Variants in TENM4 observed in about 807,000 individuals in gnomAD.
The protein encoded by TENM4 is teneurin transmembrane protein 4.
A neutral mutation model predicts 243.3 loss-of-function variants in TENM4; 82 were observed. The ratio of observed to expected loss-of-function variants is 0.34; its 90% CI spans 0.28 to 0.40. The LOEUF (loss-of-function observed/expected upper bound fraction) is 0.40. Ranked by LOEUF, TENM4 falls within the 10% of genes least tolerant of loss-of-function variation. TENM4 has a pLI of 1.00. For synonymous variants in TENM4, 1,412 were observed against 1,456.3 expected, an observed-to-expected ratio of 0.97 and a Z score of 0.69; for missense variants, 3,138 against 3,673.3, an observed-to-expected ratio of 0.85 and a Z score of 3.77.
rs1023902329 is a variant in TENM4 at position 79,089,139 on chromosome 11, A to G, written c.-65-19130T>C. 6.6e-5 allele frequency among the ~76,000 whole-genome samples: 10 copies of G among 152,340 alleles called. No homozygotes were observed. In the East Asian group the frequency reaches 1.9e-3, roughly 29 times the overall value. On this transcript the variant is annotated intron_variant, in intron 4 of 33. Transcript: ENST00000278550. ...AAACAATTACCTTGGGTCACTGTGC[A>G]GGCCTGTGCTCTCTGGGAAACCTGA...
At chr11:79,151,719 C>G (rs975890893) in intron 3 of TENM4, among the ~76,000 whole-genome samples, 1 of 152,108 alleles carries the variant, frequency 6.6e-6, no homozygotes, top group Non-Finnish European at 1.5e-5. Flanking sequence ...TTCTCCTCCC[C>G]CAACAGGCAC....
intron 12 of TENM4, among the ~76,000 whole-genome samples, chr11:78,817,277 G>C (rs1220713873): frequency 6.6e-6 from 1 of 152,216 alleles, no homozygotes; most frequent in African/African-American, 2.4e-5. Context: ...AGGTCTTAAA[G>C]TGTCAACTTA....
At position 79,366,549 on chromosome 11, in the gene TENM4, G is replaced by C. The variant is rs1472699977; in HGVS notation, c.-320-69006C>G. Reference sequence around the variant, plus strand: ...GGGGACTGGGTGCTCCTCTCACAGTGTGATCTCTCTGCTTCAGGAGCAATT... The same window carrying C: ...GGGGACTGGGTGCTCCTCTCACAGTCTGATCTCTCTGCTTCAGGAGCAATT... On this transcript the variant is annotated intron_variant, in intron 1 of 33. Transcript: ENST00000278550. Among the ~76,000 whole-genome samples, 3 of 152,212 alleles carry C rather than the reference G, an allele frequency of 2.0e-5. No homozygotes were observed. The East Asian group carries it at 5.8e-4, about 29-fold the overall frequency.
chr11:78,786,547 G>C (rs1022686682), intron 16 of TENM4, among the ~76,000 whole-genome samples: 2 of 152,222 alleles, frequency 1.3e-5, no homozygotes, highest in African/African-American at 2.4e-5. Context: ...AAGTTGACGG[G>C]GCTTGCCCAT....
chr11:79,424,463 C>A (rs1028729580), intron 1 of TENM4, among the ~76,000 whole-genome samples: 3 of 152,084 alleles, frequency 2.0e-5, no homozygotes, highest in African/African-American at 7.2e-5. Context: ...CAAAAATTAG[C>A]CAGGTATGAT....
chr11:79,044,144 T>C (rs1859602367), intron 6 of TENM4, among the ~76,000 whole-genome samples: 1 of 152,198 alleles, frequency 6.6e-6, no homozygotes, highest in Non-Finnish European at 1.5e-5. Flanking sequence ...ACCAAATATA[T>C]GTTTACATGT....
chr11:79,399,571 C>G lies in TENM4; in HGVS notation c.-321+40938G>C, dbSNP rs921381599. ...AAGATGCTACTCAAAGCAAGGCTCC[C>G]TTATAATACAGCCTGGCTAATTAAC... is the stretch of plus-strand genomic sequence containing the variant. On this transcript the variant is annotated intron_variant, in intron 1 of 33. Transcript: ENST00000278550. 1.8e-4 allele frequency among the ~76,000 whole-genome samples: 27 copies of G among 152,128 alleles called. 1 individual carries two copies.
At chr11:79,283,043 C>G (rs898482338) in intron 2 of TENM4, among the ~76,000 whole-genome samples, 1 of 152,070 alleles carries the variant, frequency 6.6e-6, no homozygotes, top group Admixed American at 6.6e-5. Context: ...CTGTAGTAAG[C>G]CTTGTTCTTA....
At chr11:79,355,306 A>G (rs475392) in intron 1 of TENM4, among the ~76,000 whole-genome samples, 119,218 of 152,122 alleles carry the variant, frequency 0.78, 47,053 homozygotes, top group African/African-American at 0.86. Flanking sequence ...GCCGAGGCAG[A>G]CAGATCACCT....
rs1859382253 is a variant in TENM4 at position 79,440,542 on chromosome 11, C to G, written c.-354G>C. On this transcript the variant is annotated 5_prime_UTR_variant, in exon 1 of 34. Coordinates refer to ENST00000278550, the MANE Select transcript of TENM4 (RefSeq NM_001098816.3). This position sits in a 1 kb window ranked among gnomAD's most constrained non-coding sequence, Gnocchi z 4.7. The stretch of plus-strand genomic sequence containing the variant: ...CAGGCTGCTACCGCCGGGGAAGCGG[C>G]GAGGACGGCGGCAGGGAGGCAAGGC... 6.6e-6 allele frequency: 1 copy of G among 152,176 alleles called. No individual in the cohort carries two copies. Among genetic ancestry groups the G allele is most frequent in the Non-Finnish European group, 1.5e-5 (1 of 68,068 alleles). The allele number at this position is 152,176 out of a possible 1,614,324, so 9.4% of individuals were successfully genotyped here. A position where few individuals can be genotyped will look rare whatever the true frequency, so the allele number is the denominator to read the frequency against.
At chr11:79,096,181 G>C (rs1303894632) in intron 4 of TENM4, 1 of 152,106 alleles carries the variant, frequency 6.6e-6, no homozygotes, top group Non-Finnish European at 1.5e-5. Context: ...CTGTCTACTT[G>C]CCCCAGGGAC....
At chr11:78,963,106 G>A (rs2136540177) in intron 6 of TENM4, among the ~76,000 whole-genome samples, 1 of 152,302 alleles carries the variant, frequency 6.6e-6, no homozygotes, top group East Asian at 1.9e-4. Flanking sequence ...CTTAATTCTA[G>A]GGGGTCTCAC....
chr11:78,868,432 T>C (rs900710798), intron 9 of TENM4, among the ~76,000 whole-genome samples: 1 of 152,192 alleles, frequency 6.6e-6, no homozygotes, highest in South Asian at 2.1e-4. Context: ...TCACCCACGC[T>C]GAAATGTTAA....
At chr11:79,406,336 C>T (rs1174505147) in intron 1 of TENM4, among the ~76,000 whole-genome samples, 1 of 151,960 alleles carries the variant, frequency 6.6e-6, no homozygotes, top group Non-Finnish European at 1.5e-5. Context: ...AAAAAAACAC[C>T]ATCTTTTCAT....
chr11:79,333,670 C>G (rs1222664786), intron 1 of TENM4, among the ~76,000 whole-genome samples: 3 of 152,200 alleles, frequency 2.0e-5, no homozygotes, highest in Non-Finnish European at 4.4e-5. Context: ...CATGTCTGGT[C>G]TTCAGATATT....
rs564492286 is a variant in TENM4 at position 79,327,688 on chromosome 11, C to T, written c.-320-30145G>A. ...TTTTTTTTAACCTCCAAGTCCTGTACCCTTTGCCCCAAACCAGACCTACTA... is the reference window on the plus strand; with the variant it reads ...TTTTTTTTAACCTCCAAGTCCTGTATCCTTTGCCCCAAACCAGACCTACTA... On this transcript the variant is annotated intron_variant, in intron 1 of 33. Coordinates refer to ENST00000278550, the MANE Select transcript of TENM4 (RefSeq NM_001098816.3). Among the ~76,000 whole-genome samples the T allele has an allele frequency of 4.3e-5, 6 of 140,096 alleles. No homozygotes were observed. In the East Asian group the frequency reaches 1.0e-3, roughly 24 times the overall value. 91.9% of individuals were successfully genotyped at this position (140,096 alleles called of 152,430 possible). A position where few individuals can be genotyped will look rare whatever the true frequency, so the allele number is the denominator to read the frequency against.
chr11:78,862,717 G>A (rs1858854081), intron 10 of TENM4, among the ~76,000 whole-genome samples: 1 of 152,204 alleles, frequency 6.6e-6, no homozygotes, highest in Admixed American at 6.5e-5. Flanking sequence ...CAAGGCATGG[G>A]ATGGGATTCT....
At chr11:79,230,855 C>A (rs1053176103) in intron 2 of TENM4, among the ~76,000 whole-genome samples, 2 of 152,146 alleles carry the variant, frequency 1.3e-5, no homozygotes, top group African/African-American at 4.8e-5. Flanking sequence ...GTGTGTAATA[C>A]ACACATATAA....
In TENM4 at chr11:79,139,698, AT is replaced by A. The variant is rs1565220631; in HGVS notation, c.-66+9011del. The stretch of plus-strand genomic sequence containing the variant: ...TTTTATATAAGTATATAAAATATAT[AT>A]AATATTTATATAAGTATATAAAATA... On this transcript the variant is annotated intron_variant, in intron 4 of 33. Coordinates refer to ENST00000278550, the MANE Select transcript of TENM4 (RefSeq NM_001098816.3). Among the ~76,000 whole-genome samples the A allele has an allele frequency of 6.1e-3, 622 of 101,676 alleles. 100 individuals are homozygous for A. The highest frequency in any genetic ancestry group is 7.2e-3 in the Non-Finnish European group (413 of 57,310). The allele number at this position is 101,676 out of a possible 152,430, so 66.7% of individuals were successfully genotyped here.
Sources: allele counts gnomAD v4.1 joint callset (sites outside exome capture counted in the v4.1 genomes callset), GRCh38; gene constraint gnomAD v4.1.1; non-coding constraint Gnocchi (gnomAD v3.1); transcripts MANE v1.5; gene names NCBI Gene and HGNC (gene_info 2026-07-23, HGNC 2026-07-21).